The following APBA2 variants were observed in gnomAD, a reference collection of about 807,000 sequenced individuals.
APBA2 encodes the protein amyloid beta precursor protein binding family A member 2.
In APBA2, 30 loss-of-function variants were observed where a neutral mutation model predicts 75.0. The observed-to-expected ratio is 0.40, with a 90% CI of 0.30 to 0.54. APBA2 has a LOEUF of 0.54. Among genes scored for constraint, APBA2 ranks in the 20% least tolerant of loss-of-function variants. The pLI is 0.49. For synonymous variants in APBA2, 444 were observed against 409.6 expected, an observed-to-expected ratio of 1.08 and a Z score of -1.01; for missense variants, 801 against 1,016.1, an observed-to-expected ratio of 0.79 and a Z score of 2.88.
chr15:28,924,730 T>C (rs897459374), intron 2 of APBA2, among the ~76,000 whole-genome samples: 1 of 152,200 alleles, frequency 6.6e-6, no homozygotes, highest in Non-Finnish European at 1.5e-5. Context: ...TGTGTGTGGA[T>C]AGTGTTAGAT....
chr15:28,939,985 C>T (rs1479177719), intron 2 of APBA2, among the ~76,000 whole-genome samples: 1 of 152,196 alleles, frequency 6.6e-6, no homozygotes, highest in African/African-American at 2.4e-5. Context: ...TCCGTGCTTA[C>T]AGCCCTACAA....
intron 14 of APBA2, among the ~76,000 whole-genome samples, chr15:29,115,527 G>A (rs2045042777): frequency 6.6e-6 from 1 of 152,158 alleles, no homozygotes; most frequent in Non-Finnish European, 1.5e-5. Flanking sequence ...CCACACCTGT[G>A]AGGAAATCCA....
chr15:29,108,640 C>G (rs1205616427), intron 13 of APBA2: 2 of 600,000 alleles, frequency 3.3e-6, no homozygotes, highest in Non-Finnish European at 5.8e-6. Flanking sequence ...TCCCTTGTCC[C>G]CATGGTGGTT....
At chr15:29,020,484 T>C (rs891477138) in intron 3 of APBA2, among the ~76,000 whole-genome samples, 1 of 152,088 alleles carries the variant, frequency 6.6e-6, no homozygotes, top group Non-Finnish European at 1.5e-5. Context: ...ATTTTTTTTT[T>C]CCAGTGACTT....
In APBA2 at chr15:29,090,251, C is replaced by G. The variant is rs116751156; in HGVS notation, c.1070-2824C>G. ...CTTGAGTGCTTCACTGGCCTCATCC[C>G]GGAAGCAGGCATCCGTGGGTGCCAG... On this transcript the variant is annotated intron_variant, in intron 6 of 14. Coordinates refer to ENST00000683413, the MANE Select transcript of APBA2 (RefSeq NM_001353788.2). Among the ~76,000 whole-genome samples, 685 of 152,314 alleles carry G rather than the reference C, an allele frequency of 4.5e-3. 9 individuals are homozygous for G. Among genetic ancestry groups the G allele is most frequent in the Middle Eastern group, 0.014 (4 of 294 alleles).
chr15:28,891,801 A>G (rs2032148409), intron 1 of APBA2, among the ~76,000 whole-genome samples: 2 of 152,212 alleles, frequency 1.3e-5, no homozygotes, highest in Non-Finnish European at 2.9e-5. Context: ...GTGTACAGTC[A>G]TGCGTCACAT....
At chr15:28,938,964 G>T (rs1012618355) in intron 2 of APBA2, among the ~76,000 whole-genome samples, 1 of 152,070 alleles carries the variant, frequency 6.6e-6, no homozygotes, top group African/African-American at 2.4e-5. Flanking sequence ...TCTCCAAAAC[G>T]TTTTCATCTT....
chr15:28,910,348 A>G (rs1483828138), intron 1 of APBA2, among the ~76,000 whole-genome samples: 2 of 152,206 alleles, frequency 1.3e-5, no homozygotes, highest in East Asian at 1.9e-4. Flanking sequence ...AAGGTATCCA[A>G]CAGCACCAGG....
intron 2 of APBA2, among the ~76,000 whole-genome samples, chr15:28,928,142 T>TAAAA (rs71132859): frequency 1.5e-5 from 2 of 131,432 alleles, no homozygotes; most frequent in African/African-American, 5.8e-5. Flanking sequence ...AGACTCCATC[T>TAAAA]AAAAAAAAAA....
chr15:29,098,591 C>A lies in APBA2; in HGVS notation c.1338+15C>A. On this transcript the variant is annotated intron_variant, in intron 9 of 14. Coordinates refer to ENST00000683413, the MANE Select transcript of APBA2 (RefSeq NM_001353788.2). Reference sequence around the variant, plus strand: ...CAGACACGCAGGTAAGCGTTTAAGACAGTTGTTCAAAATCAGGTAAACTCC... The same window carrying A: ...CAGACACGCAGGTAAGCGTTTAAGAAAGTTGTTCAAAATCAGGTAAACTCC... 1 of 1,606,390 alleles carries A rather than the reference C, an allele frequency of 6.2e-7. No individual in the cohort carries two copies. The highest frequency in any genetic ancestry group is 8.5e-7 in the Non-Finnish European group (1 of 1,173,024).
At chr15:28,945,092 G>A (rs1168290101) in intron 2 of APBA2, among the ~76,000 whole-genome samples, 1 of 152,248 alleles carries the variant, frequency 6.6e-6, no homozygotes, top group South Asian at 2.1e-4. Flanking sequence ...CACAGGAGGT[G>A]CAGCAGAGCA....
chr15:29,055,866 A>G (rs2041862470), intron 4 of APBA2, among the ~76,000 whole-genome samples: 1 of 152,194 alleles, frequency 6.6e-6, no homozygotes, highest in Non-Finnish European at 1.5e-5. Flanking sequence ...TGTTCCTGTC[A>G]TTCACAGCAA....
chr15:28,985,600 T>A (rs16954967), intron 2 of APBA2, among the ~76,000 whole-genome samples: 1 of 152,062 alleles, frequency 6.6e-6, no homozygotes, highest in African/African-American at 2.4e-5. Context: ...TTGGAATGAG[T>A]AAATTGAGGG....
At chr15:28,990,356 A>C (rs1595666585) in intron 2 of APBA2, 1 of 150,966 alleles carries the variant, frequency 6.6e-6, no homozygotes, top group Non-Finnish European at 1.5e-5. Context: ...GGTTGCAGTG[A>C]GCTGCACTCC....
chr15:28,917,359 G>A (rs1165092245), intron 1 of APBA2, among the ~76,000 whole-genome samples: 2 of 152,096 alleles, frequency 1.3e-5, no homozygotes, highest in African/African-American at 2.4e-5. Context: ...CCCCTCCAGG[G>A]CTCCTTCCTA....
intron 1 of APBA2, among the ~76,000 whole-genome samples, chr15:28,913,942 G>A (rs927647853): frequency 6.6e-6 from 1 of 152,158 alleles, no homozygotes; most frequent in African/African-American, 2.4e-5. Flanking sequence ...GCGGGCCAGT[G>A]GGGTACACTC....
intron 2 of APBA2, among the ~76,000 whole-genome samples, chr15:28,930,058 G>A (rs2034480286): frequency 6.6e-6 from 1 of 152,172 alleles, no homozygotes; most frequent in Non-Finnish European, 1.5e-5. Flanking sequence ...AGGAAAAGGT[G>A]GAAGGAGCTG....
At chr15:28,971,145 A>G (rs763631908) in intron 2 of APBA2, among the ~76,000 whole-genome samples, 2 of 152,116 alleles carry the variant, frequency 1.3e-5, no homozygotes, top group Non-Finnish European at 2.9e-5. Flanking sequence ...CTTTATAAGA[A>G]CGCTGTGCTT....
At chr15:29,085,877 T>A (rs1473741605) in intron 6 of APBA2, among the ~76,000 whole-genome samples, 1 of 152,058 alleles carries the variant, frequency 6.6e-6, no homozygotes, top group African/African-American at 2.4e-5. Context: ...TTGTTGTAGA[T>A]TTGGTGAGAG....
Sources: allele counts gnomAD v4.1 joint callset (sites outside exome capture counted in the v4.1 genomes callset), GRCh38; gene constraint gnomAD v4.1.1; transcripts MANE v1.5; gene names NCBI Gene and HGNC (gene_info 2026-07-23, HGNC 2026-07-21).